CIP2A: variants seen among roughly 807,000 people sequenced by gnomAD.
CIP2A encodes protein CIP2A.
A neutral mutation model predicts 110.9 loss-of-function variants in CIP2A; 103 were observed. The observed-to-expected ratio is 0.93, with a 90% CI of 0.79 to 1.09. The LOEUF (loss-of-function observed/expected upper bound fraction) is 1.09, where lower values mean the gene tolerates loss of function less well. Ranked by LOEUF, CIP2A falls within the 50% of genes least tolerant of loss-of-function variation. CIP2A has a pLI of 0.00. For missense variants in CIP2A, 1,088 were observed against 1,038.4 expected, an observed-to-expected ratio of 1.05 and a Z score of -0.66; for synonymous variants, 381 against 361.6, an observed-to-expected ratio of 1.05 and a Z score of -0.61.
chr3:108,559,276 T>C (rs1159943562), intron 16 of CIP2A, among the ~76,000 whole-genome samples: 1 of 152,078 alleles, frequency 6.6e-6, no homozygotes, highest in African/African-American at 2.4e-5. Context: ...TGTAGAACAC[T>C]AAAAACAGAA....
chr3:108,573,590 T>C (rs1406010908), intron 8 of CIP2A, among the ~76,000 whole-genome samples: 1 of 152,056 alleles, frequency 6.6e-6, no homozygotes, highest in Non-Finnish European at 1.5e-5. Flanking sequence ...ATTTTTCCCT[T>C]GCTGTGTGTT....
rs2083886656 is a variant in CIP2A, at chr3:108,550,774, A to C, written c.*375T>G. 6.5e-6 allele frequency: 1 copy of C among 152,724 alleles called. No individual in the cohort carries two copies. Among genetic ancestry groups the C allele is most frequent in the South Asian group, 2.1e-4 (1 of 4,844 alleles). The allele number at this position is 152,724 out of a possible 1,614,324, so 9.5% of individuals were successfully genotyped here. A position where few individuals can be genotyped will look rare whatever the true frequency, so the allele number is the denominator to read the frequency against. ...TTGTAATCTTTAGGACTGTTATACC[A>C]AGAAAGTTTGGTCTTAAGATCTAAA... On this transcript the variant is annotated 3_prime_UTR_variant, in exon 21 of 21. Coordinates refer to ENST00000295746, the MANE Select transcript of CIP2A (RefSeq NM_020890.3).
At position 108,569,494 on chromosome 3, in the gene CIP2A, T is replaced by C. The variant is rs745377509; in HGVS notation, c.1008A>G (p.Lys336=). Reference sequence around the variant, plus strand: ...GTAGAGCCACAGTAGGTTCTAAACATTTAGTATGGCTTCCCAGAGTGGCGC... The same window carrying C: ...GTAGAGCCACAGTAGGTTCTAAACACTTAGTATGGCTTCCCAGAGTGGCGC... The part of the protein sequence containing the change: ...PGSATLGSHT[K]CLEPTVALLR... Residue 336 remains lysine, a synonymous_variant, in exon 9 of 21, where the codon AAA becomes AAG. Transcript: ENST00000295746. 6.2e-7 allele frequency: 1 copy of C among 1,612,800 alleles called. No individual in the cohort carries two copies. The highest frequency in any genetic ancestry group is 8.5e-7 in the Non-Finnish European group (1 of 1,179,296).
intron 10 of CIP2A, among the ~76,000 whole-genome samples, chr3:108,567,287 A>T (rs1007185808): frequency 1.3e-5 from 2 of 151,702 alleles, no homozygotes; most frequent in African/African-American, 2.4e-5. Context: ...TTAGGTAGGA[A>T]ATCAGGGTTG....
rs772144644 is a variant in CIP2A at position 108,552,287 on chromosome 3, G to A, written c.2494C>T (p.Leu832Phe). 2.0e-5 allele frequency: 32 copies of A among 1,566,716 alleles called. No homozygotes were observed. The highest frequency in any genetic ancestry group is 2.6e-6 in the Non-Finnish European group (3 of 1,150,666). ...TCTGTTCTGCTTAATTCTTTTCTAA[G>A]GATATCAATGGTTTCTTCCTTATCT... The part of the protein sequence containing the change: ...REDKEETIDI[L>F]RKELSRTEQI... Residue 832 changes from leucine to phenylalanine, a missense_variant, in exon 20 of 21, where the codon CTT (leucine) becomes TTT (phenylalanine). Leu to Phe is a conservative substitution (Grantham distance 22). Transcript: ENST00000295746.
chr3:108,579,745 A>C (rs923189170), intron 5 of CIP2A, 57 bp from the exon 6 acceptor site: 21 of 1,208,712 alleles, frequency 1.7e-5, no homozygotes, highest in Middle Eastern at 2.7e-4. Context: ...GTTTTGGTTT[A>C]AAAAGTATAT....
intron 12 of CIP2A, among the ~76,000 whole-genome samples, chr3:108,564,853 A>G (rs894859147): frequency 6.6e-6 from 1 of 151,832 alleles, no homozygotes; most frequent in African/African-American, 2.4e-5. Flanking sequence ...AATTTGTTGT[A>G]CTTTGCCTTT....
In CIP2A at chr3:108,568,833, A is replaced by G. The variant is rs572052648; in HGVS notation, c.1114-519T>C. ...ACATATTTGTTTGTGTGTAAGACCCAGTTATGTGAAGGGAAATACTTTCAG... is the reference window on the plus strand; with the variant it reads ...ACATATTTGTTTGTGTGTAAGACCCGGTTATGTGAAGGGAAATACTTTCAG... On this transcript the variant is annotated intron_variant, in intron 9 of 20. Transcript: ENST00000295746. Among the ~76,000 whole-genome samples, 16 of 152,056 alleles carry G rather than the reference A, an allele frequency of 1.1e-4. 1 individual carries two copies. The highest frequency in any genetic ancestry group is 6.6e-4 in the Admixed American group (10 of 15,218).
rs369465495 is a variant in CIP2A, at chr3:108,568,045, T to C, written c.1273+110A>G. ...TTAGTTCAGTAATTCTAGATAAATA[T>C]GAGCATAAAGTGACAAATTACAAAT... On this transcript the variant is annotated intron_variant, in intron 10 of 20. Coordinates refer to ENST00000295746, the MANE Select transcript of CIP2A (RefSeq NM_020890.3). 9.2e-6 allele frequency: 7 copies of C among 759,996 alleles called. No homozygotes were observed. In the African/African-American group the frequency reaches 1.2e-4, roughly 14 times the overall value. 47.1% of individuals were successfully genotyped at this position (759,996 alleles called of 1,614,324 possible).
chr3:108,579,441 A>C lies in CIP2A; in HGVS notation c.673-15T>G. 6.3e-7 allele frequency: 1 copy of C among 1,592,756 alleles called. No individual in the cohort carries two copies. ...GCATGGAATAGCTTAAGGACAAATT[A>C]GAAAAAGCATATTAGACAAAAAATT... On this transcript the variant is annotated splice_polypyrimidine_tract_variant and intron_variant, in intron 6 of 20. Transcript: ENST00000295746.
chr3:108,569,179 T>TACACACACACAC (rs1553694615), intron 9 of CIP2A, among the ~76,000 whole-genome samples: 1 of 72,068 alleles, frequency 1.4e-5, no homozygotes, highest in South Asian at 6.7e-4. Context: ...TATATATATA[T>TACACACACACAC]ATACATACAC....
intron 1 of CIP2A, chr3:108,585,844 A>G (rs1038771401): frequency 5.6e-5 from 25 of 449,530 alleles, no homozygotes; most frequent in Non-Finnish European, 9.4e-5. Flanking sequence ...TGATTATTCC[A>G]TTGTTTTTTT....
chr3:108,572,625 C>T (rs765419466), intron 8 of CIP2A, among the ~76,000 whole-genome samples: 55 of 152,008 alleles, frequency 3.6e-4, no homozygotes, highest in Admixed American at 3.3e-4. Flanking sequence ...CATTTAAAAA[C>T]TTCATGTTCT....
Position 108,557,283 on chromosome 3 carries a change from C to T in CIP2A, c.2145G>A (p.Arg715=), listed in dbSNP as rs980335901. The part of the protein sequence containing the change: ...SDIEHLFQHN[R]KLESVAEEHE... The stretch of plus-strand genomic sequence containing the variant: ...GTTCTTCAGCCACAGACTCTAACTT[C>T]CTATTATGTTGAAAGAGATGCTCAA... Residue 715 remains arginine (R), a synonymous_variant, in exon 17 of 21, where the codon AGG becomes AGA. Coordinates refer to ENST00000295746, the MANE Select transcript of CIP2A (RefSeq NM_020890.3). The T allele has an allele frequency of 5.2e-5, 83 of 1,610,040 alleles. No individual in the cohort carries two copies. The highest frequency in any genetic ancestry group is 7.0e-5 in the Non-Finnish European group (82 of 1,177,320).
At position 108,589,363 on chromosome 3, in the gene CIP2A, C is replaced by T. The variant is rs1353661068; in HGVS notation, c.13G>A (p.Ala5Thr). Reference sequence around the variant, plus strand: ...GTCAGGAGCAAGGACTTCAAGCAGGCAGTGGAGTCCATTGCACCGGCCGCG... The same window carrying T: ...GTCAGGAGCAAGGACTTCAAGCAGGTAGTGGAGTCCATTGCACCGGCCGCG... MDST[A>T]CLKSLLLTVS... Residue 5 changes from alanine to threonine, a missense_variant, in exon 1 of 21, where the codon GCC becomes ACC. Physicochemically the swap from Ala to Thr is moderately conservative, Grantham distance 58. Coordinates refer to ENST00000295746, the MANE Select transcript of CIP2A (RefSeq NM_020890.3). The T allele has an allele frequency of 2.5e-6, 4 of 1,613,050 alleles. No homozygotes were observed. Among genetic ancestry groups the T allele is most frequent in the East Asian group, 2.2e-5 (1 of 44,846 alleles).
At chr3:108,555,629 G>A (rs1257638688) in intron 17 of CIP2A, among the ~76,000 whole-genome samples, 1 of 151,900 alleles carries the variant, frequency 6.6e-6, no homozygotes, top group Non-Finnish European at 1.5e-5. Flanking sequence ...TCTTTCTCAG[G>A]GTCTTGAACA....
At chr3:108,569,168 C>CTATATATACATATATATATATATATA (rs1553694603) in intron 9 of CIP2A, among the ~76,000 whole-genome samples, 1 of 11,086 alleles carries the variant, frequency 9.0e-5, no homozygotes, top group African/African-American at 2.1e-4. Context: ...GAAATGAGCA[C>CTATATATACATATATATATATATATA]TATATATATA....
At chr3:108,551,787 T>C (rs1937604382) in intron 20 of CIP2A, among the ~76,000 whole-genome samples, 1 of 152,180 alleles carries the variant, frequency 6.6e-6, no homozygotes, top group Admixed American at 6.6e-5. Context: ...TATGCAACCA[T>C]GGTAATATAG....
At chr3:108,584,782 ACT>A (rs1230851696) in intron 2 of CIP2A, 10 of 258,744 alleles carry the variant, frequency 3.9e-5, no homozygotes, top group South Asian at 3.8e-4. Context: ...AGTAGTGACC[ACT>A]AAATGAACAT....
Sources: allele counts gnomAD v4.1 joint callset (sites outside exome capture counted in the v4.1 genomes callset), GRCh38; gene constraint gnomAD v4.1.1; transcripts MANE v1.5; gene names NCBI Gene and HGNC (gene_info 2026-07-23, HGNC 2026-07-21).